FAR2: variants seen among roughly 807,000 people sequenced by gnomAD.
FAR2 encodes the protein epididymis secretory protein Li 81.
Under a neutral mutation model 56.0 loss-of-function variants are expected in FAR2, and 19 were observed. The ratio of observed to expected loss-of-function variants is 0.34; its 90% CI spans 0.24 to 0.50. The LOEUF is 0.50. Ranked by LOEUF, FAR2 falls within the 20% of genes least tolerant of loss-of-function variation. The pLI is 0.98. For synonymous variants in FAR2, 219 were observed against 218.8 expected (o/e 1.00, Z -0.01); for missense variants, 508 against 642.2 (o/e 0.79, Z 2.26).
chr12:29,307,475 T>C (rs1949270643), intron 4 of FAR2, among the ~76,000 whole-genome samples, 183 bp from the exon 5 acceptor site: 1 of 152,058 alleles, frequency 6.6e-6, no homozygotes, highest in African/African-American at 2.4e-5. Flanking sequence ...GGCTTAGCAG[T>C]GAAGAGCAAA....
chr12:29,204,799 CACTTTTAAACA>C (rs901163646), intron 1 of FAR2, among the ~76,000 whole-genome samples: 7 of 152,148 alleles, frequency 4.6e-5, no homozygotes, highest in Admixed American at 4.6e-4. Context: ...AGGTGCTACA[CACTTTTAAACA>C]ACCGGATCTC....
intron 1 of FAR2, among the ~76,000 whole-genome samples, chr12:29,224,591 T>G (rs968408562): frequency 2.6e-5 from 4 of 152,192 alleles, no homozygotes; most frequent in African/African-American, 9.7e-5. Context: ...CATTAAATAA[T>G]CAACTTCAAA....
At chr12:29,311,666 T>TCACACACACACA (rs61236613) in intron 7 of FAR2, among the ~76,000 whole-genome samples, 4,097 of 147,464 alleles carry the variant, frequency 0.028, 168 homozygotes, top group African/African-American at 0.088. Flanking sequence ...AACATCTCTT[T>TCACACACACACA]CACACACACA....
intron 4 of FAR2, among the ~76,000 whole-genome samples, chr12:29,302,409 G>T (rs1314222941): frequency 6.6e-6 from 1 of 152,140 alleles, no homozygotes; most frequent in Admixed American, 6.5e-5. Flanking sequence ...AGACTTGGAA[G>T]AGTGGATAGA....
At chr12:29,213,013 G>A (rs1947570307) in intron 1 of FAR2, among the ~76,000 whole-genome samples, 1 of 152,098 alleles carries the variant, frequency 6.6e-6, no homozygotes, top group African/African-American at 2.4e-5. Context: ...GATAGGTTTT[G>A]TTGTCTCTTA....
intron 1 of FAR2, among the ~76,000 whole-genome samples, chr12:29,231,254 A>G (rs1441247536): frequency 6.6e-6 from 1 of 152,180 alleles, no homozygotes; most frequent in Non-Finnish European, 1.5e-5. Flanking sequence ...TGGTGGTGGT[A>G]GACGTGACCA....
intron 1 of FAR2, among the ~76,000 whole-genome samples, chr12:29,245,509 TAA>T (rs1948114006): frequency 6.6e-6 from 1 of 152,172 alleles, no homozygotes; most frequent in South Asian, 2.1e-4. Context: ...GCAAGTTTAA[TAA>T]GTAAACTTCC....
At chr12:29,199,686 A>G (rs149299679) in intron 1 of FAR2, among the ~76,000 whole-genome samples, 1,176 of 82,286 alleles carry the variant, frequency 0.014, 17 homozygotes, top group African/African-American at 0.034. Flanking sequence ...CAAGATTCAC[A>G]TATTCACATA....
At position 29,307,751 on chromosome 12, in the gene FAR2, G is replaced by A. The variant is rs771274428; in HGVS notation, c.639G>A (p.Met213Ile). 6.2e-7 allele frequency: 1 copy of A among 1,613,784 alleles called. No individual in the cohort carries two copies. Among genetic ancestry groups the A allele is most frequent in the Non-Finnish European group, 8.5e-7 (1 of 1,179,910 alleles). ...IYTYTKALGE[M>I]VVQQESRNLN... The stretch of plus-strand genomic sequence containing the variant: ...CCTACACCAAGGCCTTGGGAGAAAT[G>A]GTGGTGCAGCAAGAGAGCAGGAACC... The change falls in exon 5 of 12, where the codon ATG (methionine) becomes ATA (isoleucine). Residue 213 changes from methionine to isoleucine, a missense_variant. By Grantham distance (10) the Met-to-Ile change is conservative (BLOSUM62 1). Coordinates refer to ENST00000536681, the MANE Select transcript of FAR2 (RefSeq NM_001271783.2).
At chr12:29,269,218 T>A (rs1320497196) in intron 1 of FAR2, among the ~76,000 whole-genome samples, 1 of 152,090 alleles carries the variant, frequency 6.6e-6, no homozygotes, top group Non-Finnish European at 1.5e-5. Flanking sequence ...GGGGGGCCGT[T>A]CATAGGCCTA....
At position 29,273,066 on chromosome 12, in the gene FAR2, G is replaced by A. The variant is rs370798831; in HGVS notation, c.189+2428G>A. 5.8e-4 allele frequency among the ~76,000 whole-genome samples: 89 copies of A among 152,276 alleles called. 1 individual carries two copies. The highest frequency in any genetic ancestry group is 2.1e-3 in the African/African-American group (87 of 41,558). ...AGGGGCACCAGCCTGATGCCAGTAG[G>A]ATTGCTCCTGTATAGAGTGTCTGAC... On this transcript the variant is annotated intron_variant, in intron 2 of 11. Transcript: ENST00000536681.
At chr12:29,306,592 T>C (rs1011955172) in intron 4 of FAR2, among the ~76,000 whole-genome samples, 1 of 152,250 alleles carries the variant, frequency 6.6e-6, no homozygotes, top group African/African-American at 2.4e-5. Context: ...GGCAGCTTAA[T>C]TTTTAAAAAG....
At chr12:29,293,056 A>C (rs1199709875) in intron 2 of FAR2, 3 of 279,730 alleles carry the variant, frequency 1.1e-5, no homozygotes, top group Non-Finnish European at 2.0e-5. Flanking sequence ...TAGTAGAGAC[A>C]GGTTTTTACC....
intron 1 of FAR2, among the ~76,000 whole-genome samples, chr12:29,204,019 A>AAAAAAAAG (rs1565469976): frequency 9.8e-5 from 12 of 122,322 alleles, no homozygotes; most frequent in Non-Finnish European, 1.6e-4. Context: ...AAAAAAAAAA[A>AAAAAAAAG]AAAAGAAAAT....
intron 1 of FAR2, among the ~76,000 whole-genome samples, chr12:29,186,256 G>C (rs1950038766): frequency 6.6e-6 from 1 of 152,130 alleles, no homozygotes; most frequent in Non-Finnish European, 1.5e-5. Flanking sequence ...CAGGTGCCCA[G>C]TAGCCACATG....
At chr12:29,188,691 A>G (rs938986785) in intron 1 of FAR2, among the ~76,000 whole-genome samples, 1 of 152,048 alleles carries the variant, frequency 6.6e-6, no homozygotes, top group Non-Finnish European at 1.5e-5. Context: ...CACTGCATTT[A>G]GTCATCAAAT....
At chr12:29,289,157 T>G (rs1484087069) in intron 2 of FAR2, among the ~76,000 whole-genome samples, 1 of 152,016 alleles carries the variant, frequency 6.6e-6, no homozygotes, top group African/African-American at 2.4e-5. Flanking sequence ...TATCAAAATA[T>G]CAGTAACATT....
At chr12:29,221,754 C>T (rs184886345) in intron 1 of FAR2, among the ~76,000 whole-genome samples, 17 of 152,272 alleles carry the variant, frequency 1.1e-4, no homozygotes, top group Non-Finnish European at 1.6e-4. Flanking sequence ...AAAATGAGCT[C>T]GCTTTAGGGT....
intron 2 of FAR2, among the ~76,000 whole-genome samples, chr12:29,285,696 A>G (rs1215268544): frequency 2.6e-5 from 4 of 152,174 alleles, no homozygotes; most frequent in Admixed American, 6.5e-5. Context: ...CGAGGCAGAC[A>G]GATCACAAGG....
Sources: gnomAD v4.1 joint callset for allele counts (sites outside exome capture counted in the v4.1 genomes callset) on GRCh38, gnomAD v4.1.1 for gene constraint, MANE v1.5 for transcripts, NCBI Gene and HGNC (gene_info 2026-07-23, HGNC 2026-07-21) for gene names.